Variants in WDR90 observed in about 807,000 individuals in gnomAD.
The protein encoded by WDR90 is WD repeat-containing protein 90.
In WDR90, 238 loss-of-function variants were observed where a neutral mutation model predicts 195.2. The observed-to-expected ratio is 1.22, with a 90% CI of 1.10 to 1.36. The LOEUF (loss-of-function observed/expected upper bound fraction) is 1.36, where lower values mean the gene tolerates loss of function less well. Among genes scored for constraint, WDR90 ranks in the 40% most tolerant of loss-of-function variants. The pLI, the probability that WDR90 is intolerant of heterozygous loss-of-function variation, is 0.00. For missense variants in WDR90, 2,734 were observed against 2,439.5 expected, an observed-to-expected ratio of 1.12 and a Z score of -2.54; for synonymous variants, 1,265 against 1,052.4, an observed-to-expected ratio of 1.20 and a Z score of -3.91.
At chr16:651,490 T>C (rs915806973) in intron 7 of WDR90, among the ~76,000 whole-genome samples, 154 bp from the exon 8 acceptor site, 2 of 152,082 alleles carry the variant, frequency 1.3e-5, no homozygotes, top group African/African-American at 4.8e-5. Context: ...AAGAGGAGAC[T>C]TTCAGGGCCT....
At chr16:665,925 A>C in intron 35 of WDR90, 25 bp from the exon 36 acceptor site, 1 of 1,569,992 alleles carries the variant, frequency 6.4e-7, no homozygotes, top group Non-Finnish European at 8.6e-7. Flanking sequence ...GTGAGTGCTG[A>C]AGTTTCCCCA....
Position 658,581 on chromosome 16 carries a change from C to T in WDR90, c.2823C>T (p.Arg941=), listed in dbSNP as rs369836888. 4.2e-5 allele frequency: 68 copies of T among 1,612,636 alleles called. No homozygotes were observed. Among genetic ancestry groups the T allele is most frequent in the Non-Finnish European group, 4.8e-5 (57 of 1,179,920 alleles). Residue 941 remains arginine (R), a synonymous_variant, in exon 23 of 41, where the codon CGC becomes CGT. Coordinates refer to ENST00000293879, the MANE Select transcript of WDR90 (RefSeq NM_145294.5). ...CPSLTLSEDA[R]FLLIAAGRTI... ...CCTTGACGCTCAGTGAGGACGCCCG[C>T]TTCCTGCTGATTGCCGCCGGCCGGA...
intron 13 of WDR90, chr16:654,272 GC>G (rs2037701583): frequency 6.2e-6 from 1 of 160,666 alleles, no homozygotes; most frequent in Non-Finnish European, 1.4e-5. Context: ...GCTCACTGCA[GC>G]CTTGACCCCC....
Position 653,281 on chromosome 16 carries a change from C to T in WDR90, c.1123-60C>T, listed in dbSNP as rs1030883662. On this transcript the variant is annotated intron_variant, in intron 10 of 40. Transcript: ENST00000293879. ...GGAGTGGGAGGTGAGGCTGACCTCCCGGCAGCCAGGAGGGGCCTGGCGTAG... is the reference window on the plus strand; with the variant it reads ...GGAGTGGGAGGTGAGGCTGACCTCCTGGCAGCCAGGAGGGGCCTGGCGTAG... 6.8e-5 allele frequency: 94 copies of T among 1,384,352 alleles called. No individual in the cohort carries two copies. In the East Asian group the frequency reaches 2.1e-3, roughly 30 times the overall value. The allele number at this position is 1,384,352 out of a possible 1,614,324, so 85.8% of individuals were successfully genotyped here.
chr16:654,888 C>A, intron 13 of WDR90, 141 bp from the exon 14 acceptor site: 1 of 713,158 alleles, frequency 1.4e-6, no homozygotes, highest in Admixed American at 2.7e-5. Flanking sequence ...TGGTTTCCTT[C>A]CACTCTCCAC....
In WDR90 at chr16:655,135, T is replaced by C. The variant is rs1354149095; in HGVS notation, c.1544T>C (p.Phe515Ser). 6.2e-7 allele frequency: 1 copy of C among 1,612,728 alleles called. No homozygotes were observed. Among genetic ancestry groups the C allele is most frequent in the Non-Finnish European group, 8.5e-7 (1 of 1,179,806 alleles). The change falls in exon 14 of 41, where the codon TTT (phenylalanine) becomes TCT (serine). Residue 515 changes from phenylalanine to serine, a missense_variant. Phe to Ser is a radical substitution (Grantham distance 155). Transcript: ENST00000293879. The part of the protein sequence containing the change: ...FDVQAFRVTF[F>S]DETRMASCGQ... ...GTCCAGGCCTTCCGGGTCACCTTTT[T>C]TGATGAAACCAGGTGATGCAGCCGC...
Position 662,261 on chromosome 16 carries a change from A to G in WDR90, c.4075A>G (p.Ser1359Gly). The G allele has an allele frequency of 1.3e-6, 2 of 1,585,522 alleles. No individual in the cohort carries two copies. Among genetic ancestry groups the G allele is most frequent in the East Asian group, 2.3e-5 (1 of 43,580 alleles). The change falls in exon 33 of 41, where the codon AGC (serine) becomes GGC (glycine). Residue 1359 changes from serine to glycine, a missense_variant. Ser to Gly is a moderately conservative substitution (Grantham distance 56). Transcript: ENST00000293879. The stretch of plus-strand genomic sequence containing the variant: ...GGGTTCTCGATTGGTCAGCGGCAGC[A>G]GCACGGGGCGGCTGCGCCTGTGGGC... ...FSGSRLVSGS[S>G]TGRLRLWAVG...
Position 662,996 on chromosome 16 carries a change from G to A in WDR90, c.4311+152G>A, listed in dbSNP as rs983056155. The A allele has an allele frequency of 9.3e-6, 11 of 1,188,292 alleles. No homozygotes were observed. In the Admixed American group the frequency reaches 1.4e-4, roughly 15 times the overall value. The allele number at this position is 1,188,292 out of a possible 1,614,324, so 73.6% of individuals were successfully genotyped here. A position where few individuals can be genotyped will look rare whatever the true frequency, so the allele number is the denominator to read the frequency against. ...TGGGGTTCCCAGCGGGGAAGTCTTG[G>A]GTGTGCACGTCCCCTCAAAGCCGTC... On this transcript the variant is annotated intron_variant, in intron 34 of 40. Transcript: ENST00000293879.
At chr16:657,303 C>G in intron 20 of WDR90, 82 bp downstream of exon 20, 1 of 1,444,478 alleles carries the variant, frequency 6.9e-7, no homozygotes, top group Non-Finnish European at 9.1e-7. Context: ...CCTGGACACA[C>G]ATGCCGGTTT....
At chr16:649,328 C>T (rs2037589049), upstream of WDR90, 2 of 1,300,482 alleles carry the variant, frequency 1.5e-6, no homozygotes, top group South Asian at 4.2e-5. Context: ...GAAGTGGCAC[C>T]GTTGCCAGGC....
Position 651,952 on chromosome 16 carries a change from C to T in WDR90, c.966C>T (p.Ala322=), listed in dbSNP as rs2037655828. The change falls in exon 9 of 41, where the codon GCC becomes GCT. Residue 322 remains alanine (A), a synonymous_variant. Coordinates refer to ENST00000293879, the MANE Select transcript of WDR90 (RefSeq NM_145294.5). The part of the protein sequence containing the change: ...HSLEPWAQLE[A]SDIHTAAAGT... ...TTGAGCCCTGGGCCCAGCTGGAGGC[C>T]TCTGACATCCACACGGCTGCTGCCG... 2 of 1,608,524 alleles carry T rather than the reference C, an allele frequency of 1.2e-6. No homozygotes were observed. The highest frequency in any genetic ancestry group is 1.7e-6 in the Non-Finnish European group (2 of 1,178,430).
Position 666,263 on chromosome 16 carries a change from G to C in WDR90, c.4653G>C (p.Val1551=). Residue 1551 remains valine, a synonymous_variant, in exon 37 of 41, where the codon GTG becomes GTC. Transcript: ENST00000293879. ...LSGDKDGLVA[V]SHPCTGTTFR... is the part of the protein sequence containing the mutation. ...GAGACAAGGATGGGCTCGTGGCTGT[G>C]AGCCACCCCTGCACAGGGACAACCT... The C allele has an allele frequency of 6.2e-7, 1 of 1,612,738 alleles. No homozygotes were observed. The highest frequency in any genetic ancestry group is 8.5e-7 in the Non-Finnish European group (1 of 1,179,980).
At chr16:655,989 G>C in intron 17 of WDR90, 100 bp downstream of exon 17, 1 of 1,352,268 alleles carries the variant, frequency 7.4e-7, no homozygotes, top group Non-Finnish European at 1.0e-6. Flanking sequence ...AGCCGCCCTG[G>C]CTCCTGGCTG....
Position 649,800 on chromosome 16 carries a change from C to G in WDR90, c.48C>G (p.Phe16Leu). Residue 16 changes from phenylalanine to leucine, a missense_variant, in exon 2 of 41, where the codon TTC (phenylalanine) becomes TTG (leucine). Phe to Leu is a conservative substitution (Grantham distance 22). Coordinates refer to ENST00000293879, the MANE Select transcript of WDR90 (RefSeq NM_145294.5). ...QHPFLNVFRHFRVDEWKRSAK... is the reference protein window; with the variant it reads ...QHPFLNVFRHLRVDEWKRSAK... ...CGTTCCTCAACGTCTTCAGACACTT[C>G]CGGGTGGACGAGTGGAAGCGCTCCG... 6 of 1,577,746 alleles carry G rather than the reference C, an allele frequency of 3.8e-6. No individual in the cohort carries two copies. Among genetic ancestry groups the G allele is most frequent in the Non-Finnish European group, 5.2e-6 (6 of 1,162,264 alleles).
chr16:662,626 G>A (rs1292898523), intron 33 of WDR90, 53 bp from the exon 34 acceptor site: 16 of 1,512,992 alleles, frequency 1.1e-5, no homozygotes, highest in Non-Finnish European at 1.4e-5. Flanking sequence ...GCTGGCTCTT[G>A]TCATCGGCCT....
rs763130878 is a variant in WDR90, at chr16:655,173, T to C, written c.1556+26T>C. 3 of 1,612,388 alleles carry C rather than the reference T, an allele frequency of 1.9e-6. 1 individual carries two copies. Among genetic ancestry groups the C allele is most frequent in the South Asian group, 2.2e-5 (2 of 91,072 alleles). The stretch of plus-strand genomic sequence containing the variant: ...GTGATGCAGCCGCCCATCCACGATG[T>C]TGGGAGAGGGTCTGGGCCCGGAGTG... On this transcript the variant is annotated intron_variant, in intron 14 of 40. Coordinates refer to ENST00000293879, the MANE Select transcript of WDR90 (RefSeq NM_145294.5).
chr16:651,747 C>T lies in WDR90; in HGVS notation c.840C>T (p.Ala280=), dbSNP rs558926601. The part of the protein sequence containing the change: ...SPVVQTPSPT[A]SGRAALAPRP... ...TGGTCCAGACGCCCAGCCCCACAGC[C>T]GTGAGTACCCCCTTCGCCCTATGAG... Residue 280 remains alanine, a splice_region_variant and synonymous_variant, in exon 8 of 41, where the codon GCC becomes GCT. Coordinates refer to ENST00000293879, the MANE Select transcript of WDR90 (RefSeq NM_145294.5). The T allele has an allele frequency of 2.0e-5, 32 of 1,613,088 alleles. No homozygotes were observed. The highest frequency in any genetic ancestry group is 1.7e-4 in the Middle Eastern group (1 of 6,060).
intron 7 of WDR90, 102 bp downstream of exon 7, chr16:651,368 C>A: frequency 7.3e-7 from 1 of 1,372,234 alleles, no homozygotes; most frequent in Non-Finnish European, 1.0e-6. Context: ...GGTGTGCTGG[C>A]TGCAGCTGGT....
chr16:653,759 G>T lies in WDR90; in HGVS notation c.1393G>T (p.Gly465Trp), dbSNP rs781342785. The T allele has an allele frequency of 6.2e-7, 1 of 1,613,232 alleles. No homozygotes were observed. Residue 465 changes from glycine to tryptophan, a missense_variant, in exon 13 of 41, where the codon GGG (glycine) becomes TGG (tryptophan). Gly to Trp is a radical substitution (Grantham distance 184). Coordinates refer to ENST00000293879, the MANE Select transcript of WDR90 (RefSeq NM_145294.5). Reference protein sequence around the residue: ...VVCSLSFSDSGALLCGVGKDH... With the variant: ...VVCSLSFSDSWALLCGVGKDH... ...CCCTGTTCACAGCTTCTCTGACAGC[G>T]GGGCCCTTCTCTGCGGGGTTGGCAA...
Sources: allele counts gnomAD v4.1 joint callset (sites outside exome capture counted in the v4.1 genomes callset), GRCh38; gene constraint gnomAD v4.1.1; transcripts MANE v1.5; gene names NCBI Gene and HGNC (gene_info 2026-07-23, HGNC 2026-07-21).